Variants in AMPH observed in about 807,000 individuals in gnomAD.
AMPH encodes the protein amphiphysin, also known as amphiphysin (Stiff-Mann syndrome with breast cancer 128kD autoantigen).
AMPH carries 49 observed loss-of-function variants against 99.1 expected under a neutral mutation model. The ratio of observed to expected loss-of-function variants is 0.49; its 90% CI spans 0.39 to 0.63. The LOEUF (loss-of-function observed/expected upper bound fraction) is 0.63. AMPH is among the 20% of genes least tolerant of loss of function. AMPH has a pLI of 0.00. For synonymous variants in AMPH, 314 were observed against 317.3 expected (o/e 0.99, Z 0.11); for missense variants, 759 against 863.4 (o/e 0.88, Z 1.52).
At position 38,610,380 on chromosome 7, in the gene AMPH, AAGG is replaced by A. The variant is rs1392430912; in HGVS notation, c.69+20900_69+20902del. On this transcript the variant is annotated intron_variant, in intron 1 of 20. Transcript: ENST00000356264. The stretch of plus-strand genomic sequence containing the variant: ...AAAGAAAAGAAAAGAAAAGAAAGGA[AAGG>A]AAAAGAAAAGAAAAGAAAAGAAAAG... Among the ~76,000 whole-genome samples, 17 of 54,264 alleles carry A rather than the reference AAGG, an allele frequency of 3.1e-4. 1 individual carries two copies. Among genetic ancestry groups the A allele is most frequent in the Non-Finnish European group, 5.7e-4 (14 of 24,378 alleles). 35.6% of individuals were successfully genotyped at this position (54,264 alleles called of 152,430 possible). A position where few individuals can be genotyped will look rare whatever the true frequency, so the allele number is the denominator to read the frequency against.
In AMPH at chr7:38,391,933, G is replaced by A; in HGVS notation, c.1693C>T (p.Pro565Ser). ...GENEITIGAE[P>S]KETTEDAAPP... ...GCCGCGTCCTCGGTGGTCTCCTTGG[G>A]CTCTGCACCTATAGTTATTTCGTTT... Residue 565 changes from proline (P) to serine (S), a missense_variant, in exon 19 of 21, where the codon CCC becomes TCC. Physicochemically the swap from Pro to Ser is moderately conservative, Grantham distance 74. This residue lies in a region of AMPH where 554 missense variants were observed against 575.6 expected (regional missense o/e 0.96). Coordinates refer to ENST00000356264, the MANE Select transcript of AMPH (RefSeq NM_001635.4). The A allele has an allele frequency of 6.2e-7, 1 of 1,612,458 alleles. No homozygotes were observed.
chr7:38,472,774 A>T (rs75123745), intron 7 of AMPH, among the ~76,000 whole-genome samples: 9,176 of 152,296 alleles, frequency 0.06, 300 homozygotes, highest in South Asian at 0.11. Flanking sequence ...GAGACATTAG[A>T]TTGATTTCAA....
At chr7:38,616,667 A>T (rs1233920512) in intron 1 of AMPH, among the ~76,000 whole-genome samples, 1 of 152,222 alleles carries the variant, frequency 6.6e-6, no homozygotes, top group African/African-American at 2.4e-5. Flanking sequence ...TAAAAAAAGA[A>T]GGAACTGCTC....
At chr7:38,531,936 A>G (rs550190818) in intron 2 of AMPH, among the ~76,000 whole-genome samples, 1 of 152,090 alleles carries the variant, frequency 6.6e-6, no homozygotes, top group East Asian at 1.9e-4. Flanking sequence ...CATTAATACT[A>G]AGAATAATAG....
chr7:38,398,925 C>CCTGACTGCT (rs1554329841), intron 17 of AMPH, among the ~76,000 whole-genome samples: 4 of 152,184 alleles, frequency 2.6e-5, no homozygotes, highest in Non-Finnish European at 4.4e-5. Context: ...AAAGGCTCTG[C>CCTGACTGCT]CTGACTGCTC....
chr7:38,467,249 G>A (rs1716360012), intron 7 of AMPH, among the ~76,000 whole-genome samples: 1 of 152,066 alleles, frequency 6.6e-6, no homozygotes, highest in African/African-American at 2.4e-5. Flanking sequence ...GGCAGGCAGT[G>A]GGCAAACCCT....
At chr7:38,444,708 T>C (rs914089158) in intron 11 of AMPH, among the ~76,000 whole-genome samples, 1 of 152,004 alleles carries the variant, frequency 6.6e-6, no homozygotes, top group African/African-American at 2.4e-5. Context: ...GAGAATTTTT[T>C]TGTGGGGGGT....
chr7:38,542,031 T>C (rs992525775), intron 1 of AMPH, among the ~76,000 whole-genome samples: 17 of 152,168 alleles, frequency 1.1e-4, no homozygotes, highest in Admixed American at 7.2e-4. Context: ...TCAGGACATT[T>C]AGTCCTCTGA....
chr7:38,503,602 G>C (rs1407678206), intron 3 of AMPH, 48 bp downstream of exon 3: 1 of 1,584,322 alleles, frequency 6.3e-7, no homozygotes, highest in Non-Finnish European at 8.7e-7. Context: ...TGAATTCCAA[G>C]AACAACCTGT....
At chr7:38,577,275 G>A (rs75722256) in intron 1 of AMPH, among the ~76,000 whole-genome samples, 2,791 of 152,258 alleles carry the variant, frequency 0.018, 70 homozygotes, top group East Asian at 0.084. Flanking sequence ...ATGCAGTGGA[G>A]TAAATCGCCT....
chr7:38,490,777 C>T (rs1161733653), intron 5 of AMPH, among the ~76,000 whole-genome samples: 4 of 152,080 alleles, frequency 2.6e-5, no homozygotes, highest in Non-Finnish European at 5.9e-5. Context: ...TTTGGTAGCT[C>T]TGGTTTATGA....
At chr7:38,546,547 G>C (rs1258479609) in intron 1 of AMPH, among the ~76,000 whole-genome samples, 1 of 152,126 alleles carries the variant, frequency 6.6e-6, no homozygotes, top group Non-Finnish European at 1.5e-5. Flanking sequence ...AAACCTGCAG[G>C]AATTTTTTAA....
intron 1 of AMPH, among the ~76,000 whole-genome samples, chr7:38,565,103 G>A (rs1360115440): frequency 3.5e-5 from 5 of 142,916 alleles, no homozygotes; most frequent in African/African-American, 1.3e-4. Flanking sequence ...CAGCCTGGGT[G>A]ACAGAGCGAG....
chr7:38,429,407 T>A (rs1356951782), intron 14 of AMPH: 6 of 1,292,292 alleles, frequency 4.6e-6, no homozygotes, highest in Non-Finnish European at 6.1e-6. Flanking sequence ...CAGAGTCTTC[T>A]CCAAACCCAC....
chr7:38,494,737 C>T (rs928625136), intron 3 of AMPH, among the ~76,000 whole-genome samples: 3 of 152,128 alleles, frequency 2.0e-5, no homozygotes, highest in African/African-American at 7.2e-5. Flanking sequence ...CTATTATTCA[C>T]TTGATAATGA....
chr7:38,491,522 A>C (rs1788718064), intron 4 of AMPH, among the ~76,000 whole-genome samples: 1 of 152,222 alleles, frequency 6.6e-6, no homozygotes, highest in South Asian at 2.1e-4. Context: ...AAAATCCACC[A>C]CTGAAACAAA....
At chr7:38,405,469 A>G (rs1003169676) in intron 17 of AMPH, among the ~76,000 whole-genome samples, 1 of 152,176 alleles carries the variant, frequency 6.6e-6, no homozygotes, top group Non-Finnish European at 1.5e-5. Context: ...TCTAACATGT[A>G]ATGACACCCA....
intron 7 of AMPH, among the ~76,000 whole-genome samples, chr7:38,468,616 T>C (rs1054664199): frequency 3.3e-5 from 5 of 152,220 alleles, no homozygotes; most frequent in Admixed American, 6.5e-5. Flanking sequence ...GTGTCCAACA[T>C]TTTTGATACA....
chr7:38,536,527 G>C (rs1433801043), intron 1 of AMPH, among the ~76,000 whole-genome samples: 5 of 152,084 alleles, frequency 3.3e-5, no homozygotes, highest in Non-Finnish European at 5.9e-5. Context: ...TCTAAAAATA[G>C]TTGCTCATAA....
Sources: allele counts gnomAD v4.1 joint callset (sites outside exome capture counted in the v4.1 genomes callset), GRCh38; gene constraint gnomAD v4.1.1; regional missense constraint gnomAD v4.1.1; transcripts MANE v1.5; gene names NCBI Gene and HGNC (gene_info 2026-07-23, HGNC 2026-07-21).